The following SCN3A variants were observed in gnomAD, a reference collection of about 807,000 sequenced individuals.
SCN3A encodes the protein sodium voltage-gated channel alpha subunit 3.
A neutral mutation model predicts 187.6 loss-of-function variants in SCN3A; 60 were observed. The ratio of observed to expected loss-of-function variants is 0.32; its 90% CI spans 0.26 to 0.40. The LOEUF (loss-of-function observed/expected upper bound fraction) is 0.40. SCN3A is among the 10% of genes least tolerant of loss of function. The pLI is 1.00. For missense variants in SCN3A, 1,601 were observed against 2,428.2 expected (o/e 0.66, Z 7.16); for synonymous variants, 788 against 829.2 (o/e 0.95, Z 0.85).
At position 165,094,446 on chromosome 2, in the gene SCN3A, T is replaced by C. The variant is rs1259898365; in HGVS notation, c.4464A>G (p.Glu1488=). Residue 1488 remains glutamate, a synonymous_variant, in exon 26 of 28, where the codon GAA becomes GAG. Transcript: ENST00000283254. ...TCATTGCATTGTAATATTTTTTCTGTTCCTCTGTCATAAAGATGTCTTGAC... is the reference window on the plus strand; with the variant it reads ...TCATTGCATTGTAATATTTTTTCTGCTCCTCTGTCATAAAGATGTCTTGAC... ...FGGQDIFMTE[E]QKKYYNAMKK... The C allele has an allele frequency of 9.3e-6, 15 of 1,613,478 alleles. No individual in the cohort carries two copies. The highest frequency in any genetic ancestry group is 1.3e-5 in the Non-Finnish European group (15 of 1,179,604).
rs532736340 is a variant in SCN3A at position 165,161,995 on chromosome 2, G to A, written c.1031+313C>T. On this transcript the variant is annotated intron_variant, in intron 9 of 27. Coordinates refer to ENST00000283254, the MANE Select transcript of SCN3A (RefSeq NM_006922.4). ...AAAAAGGGGCCCATCTTGTGTTCCT[G>A]TGTTTCCTAACAGCTCTGATAGATG... 3.3e-5 allele frequency among the ~76,000 whole-genome samples: 5 copies of A among 152,294 alleles called. No individual in the cohort carries two copies. The East Asian group carries it at 5.8e-4, about 18-fold the overall frequency.
At chr2:165,197,643 C>A (rs1228476438) in intron 1 of SCN3A, among the ~76,000 whole-genome samples, 1 of 125,632 alleles carries the variant, frequency 8.0e-6, no homozygotes, top group Non-Finnish European at 1.7e-5. Context: ...CTATTTTTTT[C>A]TTTTCTCATT....
chr2:165,087,800 A>G lies in SCN3A; in HGVS notation c.*2350T>C, dbSNP rs558600847. The stretch of plus-strand genomic sequence containing the variant: ...AGCCACCAAGTAATTAGGAGATAGC[A>G]TCAATTATATTGAAAGAAGATGAGT... On this transcript the variant is annotated 3_prime_UTR_variant, in exon 28 of 28. Coordinates refer to ENST00000283254, the MANE Select transcript of SCN3A (RefSeq NM_006922.4). 6.6e-6 allele frequency: 1 copy of G among 152,326 alleles called. No homozygotes were observed. The highest frequency in any genetic ancestry group is 2.1e-4 in the South Asian group (1 of 4,828). The allele number at this position is 152,326 out of a possible 1,614,324, so 9.4% of individuals were successfully genotyped here.
At position 165,113,943 on chromosome 2, in the gene SCN3A, T is replaced by C. The variant is rs1448833447; in HGVS notation, c.3542A>G (p.Gln1181Arg). The change falls in exon 20 of 28, where the codon CAA (glutamine) becomes CGA (arginine). Residue 1181 changes from glutamine to arginine, a missense_variant. Physicochemically the swap from Gln to Arg is conservative, Grantham distance 43. Around this residue, in one of 11 missense-constraint regions of SCN3A, gnomAD observed 267 missense variants for 313.2 expected, o/e 0.85. Coordinates refer to ENST00000283254, the MANE Select transcript of SCN3A (RefSeq NM_006922.4). ...CCCTTTGCCTTCTTCTGTACTTACT[T>C]GACAGAATGGAAACTTTTTAATACA... ...EGCIKKFPFC[Q>R]VSTEEGKGKI... 6.2e-7 allele frequency: 1 copy of C among 1,608,132 alleles called. No individual in the cohort carries two copies. Among genetic ancestry groups the C allele is most frequent in the African/African-American group, 1.3e-5 (1 of 74,902 alleles).
chr2:165,180,192 T>C (rs1690754459), intron 2 of SCN3A, among the ~76,000 whole-genome samples: 2 of 152,154 alleles, frequency 1.3e-5, no homozygotes, highest in Admixed American at 6.6e-5. Context: ...AGGAATAAAC[T>C]GCGGAACTCC....
chr2:165,120,049 A>G (rs1322717411), intron 18 of SCN3A, among the ~76,000 whole-genome samples: 2 of 152,162 alleles, frequency 1.3e-5, no homozygotes, highest in Admixed American at 6.5e-5. Flanking sequence ...GAGTGGGTCT[A>G]CAGAGGGATG....
At chr2:165,182,062 C>T (rs1297435503) in intron 2 of SCN3A, among the ~76,000 whole-genome samples, 1 of 152,168 alleles carries the variant, frequency 6.6e-6, no homozygotes, top group Non-Finnish European at 1.5e-5. Flanking sequence ...AGTTTTAGCA[C>T]ATGCCTATTG....
chr2:165,175,389 T>G lies in SCN3A; in HGVS notation c.264+742A>C, dbSNP rs576563688. 2.6e-5 allele frequency among the ~76,000 whole-genome samples: 4 copies of G among 152,310 alleles called. No individual in the cohort carries two copies. The South Asian group carries it at 8.3e-4, about 32-fold the overall frequency. On this transcript the variant is annotated intron_variant, in intron 3 of 27. Transcript: ENST00000283254. ...AGCTAGTTTAACTATAGAAACCAGC[T>G]AATTCTGATACAATTATGCATTTAT...
intron 5 of SCN3A, among the ~76,000 whole-genome samples, chr2:165,168,251 A>G (rs1689895485): frequency 6.6e-6 from 1 of 152,130 alleles, no homozygotes; most frequent in Non-Finnish European, 1.5e-5. Flanking sequence ...GTTTCAGCAC[A>G]CATGTTGTGT....
chr2:165,143,278 G>C (rs1198572849), intron 12 of SCN3A, among the ~76,000 whole-genome samples: 1 of 152,116 alleles, frequency 6.6e-6, no homozygotes, highest in Admixed American at 6.6e-5. Flanking sequence ...GGATGGCTGA[G>C]TATAATCACC....
intron 18 of SCN3A, among the ~76,000 whole-genome samples, chr2:165,125,119 T>A (rs1281824907): frequency 6.6e-6 from 1 of 152,140 alleles, no homozygotes; most frequent in Non-Finnish European, 1.5e-5. Flanking sequence ...ATGATAACCC[T>A]AAACTGTCTT....
chr2:165,142,422 T>C (rs1441942286), intron 12 of SCN3A, among the ~76,000 whole-genome samples: 1 of 152,198 alleles, frequency 6.6e-6, no homozygotes, highest in Non-Finnish European at 1.5e-5. Flanking sequence ...CTCAGTGATA[T>C]TCTGGAAGGA....
At chr2:165,139,347 T>C in intron 14 of SCN3A, 129 bp downstream of exon 14, 2 of 1,259,422 alleles carry the variant, frequency 1.6e-6, no homozygotes, top group Non-Finnish European at 2.3e-6. Context: ...GTACTCCATA[T>C]ATCACATTCT....
At chr2:165,189,654 T>C (rs578144507) in intron 1 of SCN3A, among the ~76,000 whole-genome samples, 1 of 152,350 alleles carries the variant, frequency 6.6e-6, no homozygotes, top group Non-Finnish European at 1.5e-5. Flanking sequence ...CTTATGCTAA[T>C]ATCAACAATT....
At chr2:165,141,531 C>T (rs1313474903) in intron 12 of SCN3A, among the ~76,000 whole-genome samples, 2 of 152,170 alleles carry the variant, frequency 1.3e-5, no homozygotes, top group Non-Finnish European at 2.9e-5. Context: ...TTTTTCCATT[C>T]TCTTCTTTTG....
intron 21 of SCN3A, among the ~76,000 whole-genome samples, chr2:165,111,072 T>C (rs1574125873): frequency 6.6e-6 from 1 of 152,182 alleles, no homozygotes; most frequent in South Asian, 2.1e-4. Flanking sequence ...CGGTGGCTCA[T>C]GCCTGTAATC....
chr2:165,161,148 T>TG (rs1457964612), intron 9 of SCN3A, among the ~76,000 whole-genome samples: 3 of 145,960 alleles, frequency 2.1e-5, no homozygotes, highest in Non-Finnish European at 4.6e-5. Flanking sequence ...TTTTTTTTTT[T>TG]TTTTTTTTTT....
Position 165,198,998 on chromosome 2 carries a change from G to A in SCN3A, c.-248+4825C>T, listed in dbSNP as rs1223169110. Among the ~76,000 whole-genome samples, 5 of 151,954 alleles carry A rather than the reference G, an allele frequency of 3.3e-5. No homozygotes were observed. In the South Asian group the frequency reaches 8.3e-4, roughly 25 times the overall value. On this transcript the variant is annotated intron_variant, in intron 1 of 27. Transcript: ENST00000283254. Reference sequence around the variant, plus strand: ...ATATGTTGGACTCTAGACCAGAAGCGCAATGTCACTTGTTAGAAATATGAA... The same window carrying A: ...ATATGTTGGACTCTAGACCAGAAGCACAATGTCACTTGTTAGAAATATGAA...
At chr2:165,160,304 G>A (rs1899015) in intron 9 of SCN3A, among the ~76,000 whole-genome samples, 34,129 of 151,584 alleles carry the variant, frequency 0.23, 4,973 homozygotes, top group East Asian at 0.51. Context: ...ATTACAGTAT[G>A]CTAATAATAT....
Sources: gnomAD v4.1 joint callset for allele counts (sites outside exome capture counted in the v4.1 genomes callset) on GRCh38, gnomAD v4.1.1 for gene constraint, gnomAD v4.1.1 regional missense constraint, MANE v1.5 for transcripts, NCBI Gene and HGNC (gene_info 2026-07-23, HGNC 2026-07-21) for gene names.